SLC35F4: variants seen among roughly 807,000 people sequenced by gnomAD.
SLC35F4 encodes the protein chromosome 14 open reading frame 36.
Under a neutral mutation model 44.2 loss-of-function variants are expected in SLC35F4, and 24 were observed. The ratio of observed to expected loss-of-function variants is 0.54; its 90% CI spans 0.39 to 0.76. SLC35F4 has a LOEUF of 0.76. SLC35F4 is among the 30% of genes least tolerant of loss of function. The pLI is 0.00. For synonymous variants in SLC35F4, 238 were observed against 223.6 expected, an observed-to-expected ratio of 1.06 and a Z score of -0.57; for missense variants, 562 against 586.1, an observed-to-expected ratio of 0.96 and a Z score of 0.42.
chr14:57,787,457 A>G (rs1408882070), intron 1 of SLC35F4, among the ~76,000 whole-genome samples: 1 of 152,196 alleles, frequency 6.6e-6, no homozygotes, highest in African/African-American at 2.4e-5. Context: ...TCACAATGTC[A>G]TCAGGTTATT....
intron 1 of SLC35F4, among the ~76,000 whole-genome samples, chr14:57,727,085 G>A (rs2076222587): frequency 1.3e-5 from 2 of 151,734 alleles, no homozygotes; most frequent in Admixed American, 1.3e-4. Context: ...GTGGGACCTT[G>A]TGATCGTGTG....
At position 57,944,415 on chromosome 14, in the gene SLC35F4, A is replaced by C. The variant is rs575261776; in HGVS notation, n.282+37498T>G. The stretch of plus-strand genomic sequence containing the variant: ...TCACCTGATGAATATGCTTTTACAG[A>C]GTTCTTGTTTCCTAACAAAAAAGAG... On this transcript the variant is annotated intron_variant and non_coding_transcript_variant, in intron 1 of 1. Coordinates refer to the SLC35F4 transcript ENST00000556568. Among the ~76,000 whole-genome samples the C allele has an allele frequency of 1.5e-3, 225 of 152,244 alleles. 1 individual carries two copies. Among genetic ancestry groups the C allele is most frequent in the African/African-American group, 5.0e-3 (209 of 41,558 alleles).
At chr14:57,956,322 T>C (rs1467877058) in intron 1 of SLC35F4, among the ~76,000 whole-genome samples, 1 of 152,156 alleles carries the variant, frequency 6.6e-6, no homozygotes. Context: ...ACGTAAGACC[T>C]AAAACCATTA....
intron 1 of SLC35F4, among the ~76,000 whole-genome samples, chr14:57,853,521 C>T (rs1052555013): frequency 6.6e-6 from 1 of 152,150 alleles, no homozygotes; most frequent in African/African-American, 2.4e-5. Flanking sequence ...TGACCCTGCT[C>T]CAAACCGCCA....
At chr14:57,926,408 C>T (rs533579497) in intron 1 of SLC35F4, among the ~76,000 whole-genome samples, 1 of 152,298 alleles carries the variant, frequency 6.6e-6, no homozygotes, top group South Asian at 2.1e-4. Flanking sequence ...TTTTCCATCA[C>T]TTACACAGTC....
At chr14:57,655,870 C>G (rs1164131860) in intron 1 of SLC35F4, among the ~76,000 whole-genome samples, 1 of 152,122 alleles carries the variant, frequency 6.6e-6, no homozygotes, top group African/African-American at 2.4e-5. Context: ...GACCATTTTC[C>G]TAGGTTAGCA....
At chr14:57,845,075 T>C (rs1377876170) in intron 1 of SLC35F4, among the ~76,000 whole-genome samples, 2 of 152,318 alleles carry the variant, frequency 1.3e-5, no homozygotes, top group South Asian at 2.1e-4. Context: ...AAGCCCTTTA[T>C]TGGATCTGCA....
intron 1 of SLC35F4, among the ~76,000 whole-genome samples, chr14:57,920,010 T>G (rs1889410942): frequency 6.6e-6 from 1 of 152,166 alleles, no homozygotes; most frequent in Admixed American, 6.5e-5. Flanking sequence ...CTCATTACCA[T>G]GAGCAGTAAA....
intron 1 of SLC35F4, among the ~76,000 whole-genome samples, chr14:57,888,366 C>T (rs1318705431): frequency 6.6e-6 from 1 of 152,200 alleles, no homozygotes; most frequent in African/African-American, 2.4e-5. Context: ...CTGAAATCCC[C>T]TTCCATGTTG....
chr14:57,758,811 C>T (rs572252895), intron 1 of SLC35F4, among the ~76,000 whole-genome samples: 146 of 152,154 alleles, frequency 9.6e-4, no homozygotes, highest in Non-Finnish European at 7.2e-4. Flanking sequence ...TAATAAATTG[C>T]AATATTGTAT....
chr14:57,615,538 A>G (rs2071766856), intron 1 of SLC35F4, among the ~76,000 whole-genome samples: 1 of 152,200 alleles, frequency 6.6e-6, no homozygotes. Flanking sequence ...TCTTTACAAA[A>G]CAATATTGAG....
chr14:57,584,182 T>A (rs2069517597), intron 3 of SLC35F4, among the ~76,000 whole-genome samples: 1 of 152,138 alleles, frequency 6.6e-6, no homozygotes, highest in South Asian at 2.1e-4. Flanking sequence ...TCTTCCTAAA[T>A]TTCAAATTCA....
rs141810487 is a variant in SLC35F4 at position 57,761,415 on chromosome 14, C to T, written c.103+104308G>A. Among the ~76,000 whole-genome samples, 21 of 152,042 alleles carry T rather than the reference C, an allele frequency of 1.4e-4. No individual in the cohort carries two copies. The East Asian group carries it at 3.9e-3, about 28-fold the overall frequency. ...TGTAAAGGGATAAAGAATGATAATG[C>T]CTATAACAAGGAAAATTGTAAAAAT... On this transcript the variant is annotated intron_variant, in intron 1 of 7. Transcript: ENST00000556826.
intron 1 of SLC35F4, among the ~76,000 whole-genome samples, chr14:57,778,903 C>T (rs918659971): frequency 6.6e-6 from 1 of 152,004 alleles, no homozygotes; most frequent in Non-Finnish European, 1.5e-5. Flanking sequence ...AGGCAGAAAT[C>T]AAAAAGTTCT....
At chr14:57,819,728 G>T (rs142235867) in intron 1 of SLC35F4, among the ~76,000 whole-genome samples, 3,875 of 150,768 alleles carry the variant, frequency 0.026, 173 homozygotes, top group East Asian at 0.14. Flanking sequence ...CAGGAGAATT[G>T]TTTGAACCTG....
At chr14:57,930,174 T>G (rs914345252) in intron 1 of SLC35F4, among the ~76,000 whole-genome samples, 2 of 152,212 alleles carry the variant, frequency 1.3e-5, no homozygotes, top group Non-Finnish European at 2.9e-5. Context: ...CACAAGAAAG[T>G]GTCACAAGTT....
At chr14:57,598,480 C>T (rs1939859994) in intron 1 of SLC35F4, among the ~76,000 whole-genome samples, 1 of 152,108 alleles carries the variant, frequency 6.6e-6, no homozygotes, top group African/African-American at 2.4e-5. Context: ...AAAACAATTG[C>T]TTAAAAAGAT....
At chr14:57,750,066 G>A (rs1812925764) in intron 1 of SLC35F4, among the ~76,000 whole-genome samples, 1 of 151,810 alleles carries the variant, frequency 6.6e-6, no homozygotes, top group African/African-American at 2.4e-5. Flanking sequence ...TGAGTCTCCA[G>A]TGTCTGTTAT....
downstream of SLC35F4, among the ~76,000 whole-genome samples, chr14:57,976,079 T>C (rs1301400337): frequency 6.6e-6 from 1 of 152,184 alleles, no homozygotes; most frequent in Non-Finnish European, 1.5e-5. Context: ...CTATGGTCTC[T>C]CACCTCATTT....
Sources: gnomAD v4.1 joint callset for allele counts (sites outside exome capture counted in the v4.1 genomes callset) on GRCh38, gnomAD v4.1.1 for gene constraint, MANE v1.5 for transcripts, NCBI Gene and HGNC (gene_info 2026-07-23, HGNC 2026-07-21) for gene names.